The following MGAT4C variants were observed in gnomAD, a reference collection of about 807,000 sequenced individuals.
The protein encoded by MGAT4C is MGAT4 family member C.
In MGAT4C, 19 loss-of-function variants were observed where a neutral mutation model predicts 40.1. The observed-to-expected ratio is 0.47, with a 90% confidence interval of 0.33 to 0.70. MGAT4C has a LOEUF of 0.70. Among genes scored for constraint, MGAT4C ranks in the 30% least tolerant of loss-of-function variants. The pLI is 0.02. For synonymous variants in MGAT4C, 181 were observed against 187.1 expected (o/e 0.97, Z 0.27); for missense variants, 491 against 563.2 (o/e 0.87, Z 1.30).
chr12:86,307,597 T>A (rs1168291599), intron 4 of MGAT4C, among the ~76,000 whole-genome samples: 1 of 150,620 alleles, frequency 6.6e-6, no homozygotes, highest in African/African-American at 2.5e-5. Flanking sequence ...AGGTCACAGT[T>A]TTCTGTAGAA....
At chr12:86,765,276 A>C (rs1951484496) in intron 1 of MGAT4C, among the ~76,000 whole-genome samples, 1 of 152,256 alleles carries the variant, frequency 6.6e-6, no homozygotes, top group African/African-American at 2.4e-5. Context: ...GTGATGTAAG[A>C]TCAAATGAAT....
chr12:86,598,456 A>C (rs900748350), intron 2 of MGAT4C, among the ~76,000 whole-genome samples: 9 of 152,118 alleles, frequency 5.9e-5, no homozygotes, highest in Non-Finnish European at 5.9e-5. Flanking sequence ...AGAAACAAAT[A>C]GTATATTTGG....
At chr12:86,229,995 A>G (rs543364260) in intron 1 of MGAT4C, among the ~76,000 whole-genome samples, 1 of 152,006 alleles carries the variant, frequency 6.6e-6, no homozygotes, top group Non-Finnish European at 1.5e-5. Context: ...ATGGAAAGAG[A>G]CAATGTCAAT....
At chr12:86,745,120 A>C (rs1220845404) in intron 1 of MGAT4C, 1 of 151,484 alleles carries the variant, frequency 6.6e-6, no homozygotes, top group Non-Finnish European at 1.5e-5. Context: ...GCTACACCCT[A>C]TGGGGCAGAG....
upstream of MGAT4C, among the ~76,000 whole-genome samples, chr12:86,260,737 A>G (rs1566238532): frequency 6.6e-6 from 1 of 152,098 alleles, no homozygotes; most frequent in Non-Finnish European, 1.5e-5. Context: ...ACCTTCCCTG[A>G]ACAATGTTGT....
chr12:86,648,813 T>C (rs1284917759), intron 2 of MGAT4C, among the ~76,000 whole-genome samples: 1 of 151,874 alleles, frequency 6.6e-6, no homozygotes, highest in Non-Finnish European at 1.5e-5. Flanking sequence ...TTTATATAAT[T>C]GTTAGACTAG....
intron 2 of MGAT4C, among the ~76,000 whole-genome samples, chr12:86,546,320 T>C (rs1370000949): frequency 6.6e-6 from 1 of 151,580 alleles, no homozygotes; most frequent in South Asian, 2.1e-4. Context: ...AACTGAAATT[T>C]ATAAAATGAT....
chr12:86,340,734 G>T (rs1018793836), intron 3 of MGAT4C, among the ~76,000 whole-genome samples: 1 of 151,870 alleles, frequency 6.6e-6, no homozygotes, highest in Non-Finnish European at 1.5e-5. Context: ...ACTGTGGCTT[G>T]GAACTAGAAG....
chr12:86,316,106 A>C (rs1158440854), intron 4 of MGAT4C, among the ~76,000 whole-genome samples: 1 of 127,818 alleles, frequency 7.8e-6, no homozygotes, highest in Non-Finnish European at 1.6e-5. Context: ...AAAAAAAAAA[A>C]ATGGAAAAAC....
chr12:86,816,941 T>C (rs1952618463), intron 1 of MGAT4C, among the ~76,000 whole-genome samples: 1 of 151,366 alleles, frequency 6.6e-6, no homozygotes, highest in Middle Eastern at 3.4e-3. Context: ...TCTTATTTTG[T>C]TACAAGTATT....
intron 3 of MGAT4C, among the ~76,000 whole-genome samples, chr12:86,372,698 G>T (rs1955740377): frequency 6.6e-6 from 1 of 151,778 alleles, no homozygotes; most frequent in Non-Finnish European, 1.5e-5. Context: ...AAATATATTT[G>T]GTAAACTGCA....
intron 1 of MGAT4C, among the ~76,000 whole-genome samples, chr12:86,756,990 GT>G (rs1951316363): frequency 6.6e-6 from 1 of 152,020 alleles, no homozygotes; most frequent in South Asian, 2.1e-4. Flanking sequence ...TTATTTAAAA[GT>G]TATAATTATA....
chr12:86,267,333 C>CA (rs577212344), intron 4 of MGAT4C, among the ~76,000 whole-genome samples: 6 of 152,162 alleles, frequency 3.9e-5, no homozygotes, highest in East Asian at 3.9e-4. Context: ...ACGGGACCTA[C>CA]AAGCAACACT....
At chr12:86,164,882 A>T (rs1886017478) in intron 1 of MGAT4C, among the ~76,000 whole-genome samples, 1 of 152,208 alleles carries the variant, frequency 6.6e-6, no homozygotes, top group African/African-American at 2.4e-5. Flanking sequence ...AGGATTTATT[A>T]AAATCCCTCA....
At chr12:86,824,939 T>G (rs1259742012) in intron 1 of MGAT4C, among the ~76,000 whole-genome samples, 1 of 151,328 alleles carries the variant, frequency 6.6e-6, no homozygotes, top group Non-Finnish European at 1.5e-5. Context: ...TAAATAATCT[T>G]TTAAGAATAA....
Position 86,683,283 on chromosome 12 carries a change from TCTAC to T in MGAT4C, c.-229+43922_-229+43925del, listed in dbSNP as rs1440477365. Reference sequence around the variant, plus strand: ...TATTTAACTATCTATCATCTATCTATCTACCTACCTATCTATAATCTATCTTTTT... The same window carrying T: ...TATTTAACTATCTATCATCTATCTATCTACCTATCTATAATCTATCTTTTT... On this transcript the variant is annotated intron_variant, in intron 2 of 7. Coordinates refer to the MGAT4C transcript ENST00000548651. Among the ~76,000 whole-genome samples, 25 of 152,198 alleles carry T rather than the reference TCTAC, an allele frequency of 1.6e-4. 1 individual carries two copies. Among genetic ancestry groups the T allele is most frequent in the South Asian group, 8.3e-4 (4 of 4,834 alleles).
intron 2 of MGAT4C, among the ~76,000 whole-genome samples, chr12:86,623,406 C>T (rs992335724): frequency 5.3e-5 from 8 of 151,940 alleles, no homozygotes; most frequent in Non-Finnish European, 7.4e-5. Context: ...TGACTTAAAA[C>T]GGGTTATATT....
intron 4 of MGAT4C, among the ~76,000 whole-genome samples, chr12:86,292,359 C>T (rs928382272): frequency 2.0e-5 from 3 of 151,600 alleles, no homozygotes; most frequent in Non-Finnish European, 4.4e-5. Flanking sequence ...GAGGTTTAAG[C>T]TTTTCCTATT....
intron 2 of MGAT4C, among the ~76,000 whole-genome samples, chr12:86,459,858 GA>G (rs1389709603): frequency 6.6e-6 from 1 of 151,620 alleles, no homozygotes; most frequent in Non-Finnish European, 1.5e-5. Flanking sequence ...CAAGGAAGTT[GA>G]TGCCTAAAGG....
Sources: allele counts gnomAD v4.1 joint callset (sites outside exome capture counted in the v4.1 genomes callset), GRCh38; gene constraint gnomAD v4.1.1; transcripts MANE v1.5; gene names NCBI Gene and HGNC (gene_info 2026-07-23, HGNC 2026-07-21).